IQCB1: variants seen among roughly 807,000 people sequenced by gnomAD.
The protein encoded by IQCB1 is IQ calmodulin-binding motif-containing protein 1.
A neutral mutation model predicts 84.4 loss-of-function variants in IQCB1; 56 were observed. The observed-to-expected ratio is 0.66, with a 90% CI of 0.54 to 0.83. IQCB1 has a LOEUF of 0.83. Ranked by LOEUF, IQCB1 falls within the 40% of genes least tolerant of loss-of-function variation. The pLI is 0.00. For missense variants in IQCB1, 629 were observed against 682.1 expected (o/e 0.92, Z 0.87); for synonymous variants, 210 against 234.8 (o/e 0.89, Z 0.96).
At chr3:121,774,284 A>C (rs1409051878) in intron 13 of IQCB1, among the ~76,000 whole-genome samples, 1 of 152,210 alleles carries the variant, frequency 6.6e-6, no homozygotes, top group Non-Finnish European at 1.5e-5. Context: ...AAAATAACTA[A>C]TGTTGACAAG....
intron 7 of IQCB1, among the ~76,000 whole-genome samples, chr3:121,802,977 ATCT>A (rs1404526372): frequency 6.6e-6 from 1 of 152,164 alleles, no homozygotes; most frequent in East Asian, 1.9e-4. Context: ...CTTTTCAGAG[ATCT>A]TCTTGGCATC....
intron 10 of IQCB1, 152 bp from the exon 11 acceptor site, chr3:121,790,367 C>T: frequency 1.6e-6 from 1 of 615,276 alleles, no homozygotes; most frequent in Non-Finnish European, 2.8e-6. Context: ...TCATCTGCTG[C>T]TGTTGTGCAA....
chr3:121,822,170 C>T (rs1950297175), intron 5 of IQCB1, among the ~76,000 whole-genome samples: 1 of 152,202 alleles, frequency 6.6e-6, no homozygotes, highest in Admixed American at 6.5e-5. Context: ...CAGACTATAC[C>T]ATCAGCTCTC....
At chr3:121,797,878 TCAA>T (rs1327262402) in intron 8 of IQCB1, among the ~76,000 whole-genome samples, 1 of 151,974 alleles carries the variant, frequency 6.6e-6, no homozygotes, top group African/African-American at 2.4e-5. Context: ...ATGTGTGTAT[TCAA>T]AATAAATACA....
At chr3:121,782,127 T>C (rs773587209) in intron 12 of IQCB1, among the ~76,000 whole-genome samples, 5 of 152,158 alleles carry the variant, frequency 3.3e-5, no homozygotes, top group Non-Finnish European at 7.3e-5. Flanking sequence ...AAAAAAGCAA[T>C]AGATTCTAGT....
At chr3:121,797,455 A>T (rs1169653728) in intron 8 of IQCB1, among the ~76,000 whole-genome samples, 6 of 20,250 alleles carry the variant, frequency 3.0e-4, no homozygotes, top group Non-Finnish European at 6.2e-4. Flanking sequence ...TATCTGATAA[A>T]AAAAAAAAAA....
intron 13 of IQCB1, among the ~76,000 whole-genome samples, chr3:121,780,890 G>C (rs1576542546): frequency 6.6e-6 from 1 of 151,724 alleles, no homozygotes; most frequent in East Asian, 1.9e-4. Context: ...GTGTGAGAGA[G>C]AGAGAGAGAA....
chr3:121,824,275 A>C (rs1016818133), intron 5 of IQCB1, among the ~76,000 whole-genome samples: 1 of 152,206 alleles, frequency 6.6e-6, no homozygotes, highest in African/African-American at 2.4e-5. Flanking sequence ...CTAAGTGACC[A>C]ACTGGCAGGC....
chr3:121,786,498 TA>T (rs10711478), intron 12 of IQCB1, among the ~76,000 whole-genome samples: 93,913 of 146,676 alleles, frequency 0.64, 30,047 homozygotes, highest in African/African-American at 0.71. Flanking sequence ...CCATGTCTCT[TA>T]AAAAAAAAAA....
chr3:121,809,103 C>T (rs1949724925), intron 5 of IQCB1, 94 bp from the exon 6 acceptor site: 3 of 715,706 alleles, frequency 4.2e-6, no homozygotes, highest in Non-Finnish European at 7.2e-6. Context: ...TTAGAGGATA[C>T]AGTTTCTGGA....
At chr3:121,811,077 T>C (rs1200784144) in intron 5 of IQCB1, among the ~76,000 whole-genome samples, 1 of 152,124 alleles carries the variant, frequency 6.6e-6, no homozygotes, top group African/African-American at 2.4e-5. Context: ...CATTTCCAAC[T>C]GAGGTACCCA....
Position 121,795,523 on chromosome 3 carries a change from C to CG in IQCB1, c.919_920insC (p.Gly307AlafsTer35), listed in dbSNP as rs772827691. 6.2e-7 allele frequency: 1 copy of CG among 1,609,040 alleles called. No individual in the cohort carries two copies. Among genetic ancestry groups the CG allele is most frequent in the East Asian group, 2.2e-5 (1 of 44,822 alleles). On this transcript the variant is annotated frameshift_variant, in exon 10 of 15. Coordinates refer to ENST00000310864, the MANE Select transcript of IQCB1 (RefSeq NM_001023570.4). LOFTEE classifies it high-confidence loss of function. ...CTTTAATCTCTTTCTTGTCTGAAAA[C>CG]CCTTCCAATAGGCTTGAATCAAGCA...
At chr3:121,820,487 C>A (rs188878737) in intron 5 of IQCB1, among the ~76,000 whole-genome samples, 1 of 152,298 alleles carries the variant, frequency 6.6e-6, no homozygotes, top group Admixed American at 6.5e-5. Flanking sequence ...CTCTAGTATG[C>A]TCCTCTTCAA....
chr3:121,831,002 C>G (rs1435350687), intron 2 of IQCB1, among the ~76,000 whole-genome samples: 2 of 152,146 alleles, frequency 1.3e-5, no homozygotes, highest in East Asian at 3.9e-4. Flanking sequence ...TCAGTCATGC[C>G]TATCCATTGA....
At chr3:121,796,676 C>G (rs1949204939) in intron 9 of IQCB1, among the ~76,000 whole-genome samples, 1 of 151,800 alleles carries the variant, frequency 6.6e-6, no homozygotes, top group South Asian at 2.1e-4. Context: ...TTTGGAAAAA[C>G]AGTTTTAAAA....
At chr3:121,816,244 C>T (rs1950051641) in intron 5 of IQCB1, among the ~76,000 whole-genome samples, 1 of 152,158 alleles carries the variant, frequency 6.6e-6, no homozygotes, top group Non-Finnish European at 1.5e-5. Flanking sequence ...TGGACCCCTT[C>T]CTTACATCTT....
intron 5 of IQCB1, among the ~76,000 whole-genome samples, chr3:121,811,690 C>G (rs1949836714): frequency 6.6e-6 from 1 of 152,184 alleles, no homozygotes; most frequent in Admixed American, 6.5e-5. Flanking sequence ...TGCAGCACAG[C>G]AAGGCAGCTG....
At position 121,772,725 on chromosome 3, in the gene IQCB1, G is replaced by C. The variant is rs1948053539; in HGVS notation, c.1411-12C>G. 2 of 1,613,864 alleles carry C rather than the reference G, an allele frequency of 1.2e-6. No homozygotes were observed. Among genetic ancestry groups the C allele is most frequent in the Non-Finnish European group, 1.7e-6 (2 of 1,179,916 alleles). On this transcript the variant is annotated splice_polypyrimidine_tract_variant and intron_variant, in intron 13 of 14. Transcript: ENST00000310864. Reference sequence around the variant, plus strand: ...GACATTGGAGAGCCCTGGAAACACAGGACAGAAAAACCTGTCACAGAGAGG... The same window carrying C: ...GACATTGGAGAGCCCTGGAAACACACGACAGAAAAACCTGTCACAGAGAGG...
intron 13 of IQCB1, 51 bp from the exon 14 acceptor site, chr3:121,772,764 A>G (rs1286315820): frequency 1.3e-6 from 2 of 1,572,814 alleles, no homozygotes; most frequent in African/African-American, 2.7e-5. Context: ...TAGGTATCAA[A>G]GTACCCAACC....
Sources: allele counts gnomAD v4.1 joint callset (sites outside exome capture counted in the v4.1 genomes callset), GRCh38; gene constraint gnomAD v4.1.1; transcripts MANE v1.5; gene names NCBI Gene and HGNC (gene_info 2026-07-23, HGNC 2026-07-21).